The following CCDC171 variants were observed in gnomAD, a reference collection of about 807,000 sequenced individuals.
CCDC171 encodes coiled-coil domain containing 171.
A neutral mutation model predicts 168.2 loss-of-function variants in CCDC171; 177 were observed. The observed-to-expected ratio is 1.05, with a 90% confidence interval of 0.93 to 1.19. The LOEUF (loss-of-function observed/expected upper bound fraction) is 1.19. Ranked by LOEUF, CCDC171 falls within the 50% of genes most tolerant of loss-of-function variation. The probability of loss-of-function intolerance (pLI) is 0.00; values close to 1 mark genes in which losing one functional copy is unlikely to be tolerated. For synonymous variants in CCDC171, 687 were observed against 540.8 expected (o/e 1.27, Z -3.75); for missense variants, 1,991 against 1,539.0 (o/e 1.29, Z -4.91).
chr9:16,014,312 C>A (rs1009884800), intron 3 of CCDC171, among the ~76,000 whole-genome samples: 4 of 152,196 alleles, frequency 2.6e-5, no homozygotes, highest in African/African-American at 7.2e-5. Flanking sequence ...TCAGTCACAT[C>A]TTCAGGTTCC....
chr9:15,916,413 C>CTTTGG (rs1554680629), intron 24 of CCDC171, among the ~76,000 whole-genome samples: 4 of 14,896 alleles, frequency 2.7e-4, no homozygotes, highest in Non-Finnish European at 2.0e-3. Context: ...AATATATTTA[C>CTTTGG]GTAAGATATA....
intron 9 of CCDC171, among the ~76,000 whole-genome samples, chr9:15,672,731 C>G (rs145892437): frequency 0.019 from 2,830 of 152,218 alleles, 41 homozygotes; most frequent in Non-Finnish European, 0.027. Context: ...GGTACCAGTA[C>G]CATGCTGTTT....
intron 6 of CCDC171, among the ~76,000 whole-genome samples, chr9:15,606,301 A>G (rs143651783): frequency 6.6e-6 from 1 of 152,324 alleles, no homozygotes; most frequent in Non-Finnish European, 1.5e-5. Flanking sequence ...CTAATTAATG[A>G]TTCACTAACA....
At chr9:15,844,990 G>T (rs1384803673) in intron 21 of CCDC171, among the ~76,000 whole-genome samples, 1 of 152,000 alleles carries the variant, frequency 6.6e-6, no homozygotes, top group African/African-American at 2.4e-5. Context: ...TGAATGGACT[G>T]GCACAAATGT....
downstream of CCDC171, among the ~76,000 whole-genome samples, chr9:15,978,720 T>A (rs1043832482): frequency 7.1e-4 from 108 of 152,194 alleles, 1 homozygote; most frequent in African/African-American, 2.4e-3. Flanking sequence ...ATATATTTTT[T>A]AAAAAGTACA....
chr9:15,983,451 A>G (rs1229946530), intron 3 of CCDC171, among the ~76,000 whole-genome samples: 2 of 151,206 alleles, frequency 1.3e-5, no homozygotes, highest in East Asian at 1.9e-4. Flanking sequence ...CATATTTTGT[A>G]CAGTTTATAT....
intron 7 of CCDC171, 93 bp downstream of exon 7, chr9:15,623,506 C>CACACACACACAT (rs768133705): frequency 5.0e-5 from 33 of 656,242 alleles, no homozygotes; most frequent in Admixed American, 1.9e-4. Flanking sequence ...CACACACACA[C>CACACACACACAT]ATAAAACCCA....
intron 25 of CCDC171, among the ~76,000 whole-genome samples, chr9:15,935,421 T>A (rs1035592245): frequency 7.2e-5 from 11 of 152,054 alleles, no homozygotes; most frequent in Non-Finnish European, 1.5e-4. Context: ...AAATCTAAAT[T>A]CCCTGTCAGC....
At chr9:15,860,909 A>G (rs1454568695) in intron 23 of CCDC171, among the ~76,000 whole-genome samples, 1 of 122,868 alleles carries the variant, frequency 8.1e-6, no homozygotes, top group Non-Finnish European at 1.7e-5. Flanking sequence ...TGTTTGTTTT[A>G]TATATTTAGG....
intron 24 of CCDC171, among the ~76,000 whole-genome samples, chr9:15,904,902 A>G (rs1369291365): frequency 6.6e-5 from 10 of 151,554 alleles, no homozygotes; most frequent in Admixed American, 1.3e-4. Flanking sequence ...CTTTAAACCA[A>G]CAAAGATCAA....
In CCDC171 at chr9:15,954,329, C is replaced by G. The variant is rs375632439; in HGVS notation, c.3754-17280C>G. ...AGCATTTATAGCTATAAATTTCCCC[C>G]TTAGCACTGCTTCCACTGCATCTCA... On this transcript the variant is annotated intron_variant, in intron 25 of 25. Transcript: ENST00000380701. Among the ~76,000 whole-genome samples the G allele has an allele frequency of 1.3e-3, 199 of 152,100 alleles. 1 individual carries two copies. The highest frequency in any genetic ancestry group is 4.4e-3 in the African/African-American group (184 of 41,536).
chr9:15,815,277 A>C (rs1458845549), intron 21 of CCDC171, among the ~76,000 whole-genome samples: 1 of 152,086 alleles, frequency 6.6e-6, no homozygotes, highest in Non-Finnish European at 1.5e-5. Context: ...TTTCTCTCCC[A>C]TGTCTCATTT....
the CCDC171 span, among the ~76,000 whole-genome samples, chr9:16,080,094 G>T: frequency 6.6e-6 from 1 of 152,164 alleles, no homozygotes; most frequent in Non-Finnish European, 1.5e-5. Context: ...TTTATTTTCT[G>T]CTCTATAGGA....
intron 3 of CCDC171, among the ~76,000 whole-genome samples, chr9:16,020,243 T>A (rs538648327): frequency 6.6e-6 from 1 of 152,352 alleles, no homozygotes; most frequent in South Asian, 2.1e-4. Context: ...ATGTGTATAA[T>A]GTATGTATGC....
At chr9:15,664,924 C>G (rs920728146) in intron 8 of CCDC171, among the ~76,000 whole-genome samples, 3 of 151,944 alleles carry the variant, frequency 2.0e-5, no homozygotes, top group African/African-American at 7.3e-5. Flanking sequence ...GTCTCGAACT[C>G]CTGACCTCAG....
intron 6 of CCDC171, among the ~76,000 whole-genome samples, chr9:15,597,907 T>C (rs1207286209): frequency 1.3e-5 from 2 of 152,212 alleles, no homozygotes. Flanking sequence ...CTTCCATTTC[T>C]TCTAGATTTT....
At chr9:15,667,935 A>T (rs1327114282) in intron 9 of CCDC171, among the ~76,000 whole-genome samples, 1 of 152,204 alleles carries the variant, frequency 6.6e-6, no homozygotes, top group Non-Finnish European at 1.5e-5. Context: ...TCTTTGAACC[A>T]TTGCTTGAAT....
chr9:15,759,662 A>T (rs1053762123), intron 18 of CCDC171, among the ~76,000 whole-genome samples: 1 of 152,106 alleles, frequency 6.6e-6, no homozygotes, highest in African/African-American at 2.4e-5. Context: ...GATTTGTCTG[A>T]TGTTTCCTCA....
At chr9:16,059,823 TC>T (rs970423071) in intron 1 of CCDC171, among the ~76,000 whole-genome samples, 6 of 152,014 alleles carry the variant, frequency 3.9e-5, no homozygotes, top group African/African-American at 1.4e-4. Context: ...CTTTTTTTTT[TC>T]TTTAACACAC....
Sources: gnomAD v4.1 joint callset for allele counts (sites outside exome capture counted in the v4.1 genomes callset) on GRCh38, gnomAD v4.1.1 for gene constraint, MANE v1.5 for transcripts, NCBI Gene and HGNC (gene_info 2026-07-23, HGNC 2026-07-21) for gene names.